Variants in HMCN1 observed in about 807,000 individuals in gnomAD.
HMCN1 encodes hemicentin-1.
Under a neutral mutation model 625.9 loss-of-function variants are expected in HMCN1, and 321 were observed. The ratio of observed to expected loss-of-function variants is 0.51; its 90% CI spans 0.47 to 0.56. The LOEUF (loss-of-function observed/expected upper bound fraction) is 0.56, where lower values mean the gene tolerates loss of function less well. HMCN1 is among the 20% of genes least tolerant of loss of function. The pLI, the probability that HMCN1 is intolerant of heterozygous loss-of-function variation, is 0.00. For synonymous variants in HMCN1, 2,425 were observed against 2,417.6 expected, an observed-to-expected ratio of 1.00 and a Z score of -0.09; for missense variants, 6,588 against 6,887.3, an observed-to-expected ratio of 0.96 and a Z score of 1.54.
intron 36 of HMCN1, among the ~76,000 whole-genome samples, chr1:186,028,011 A>G (rs1247727764): frequency 6.6e-6 from 1 of 152,118 alleles, no homozygotes; most frequent in Non-Finnish European, 1.5e-5. Context: ...TCAAGACTCT[A>G]AGATTTTCTT....
chr1:186,015,386 G>T lies in HMCN1; in HGVS notation c.4858G>T (p.Val1620Leu). The change falls in exon 31 of 107, where the codon GTA becomes TTA. Residue 1620 changes from valine (V) to leucine (L), a missense_variant. Val to Leu is a conservative substitution (Grantham distance 32). Coordinates refer to ENST00000271588, the MANE Select transcript of HMCN1 (RefSeq NM_031935.3). ...TGATTCAGCAACATATACGTGTCAT[G>T]TAGCCAATGTTGCTGGAACTGCTGA... ...VSDSATYTCH[V>L]ANVAGTAEKS... The T allele has an allele frequency of 6.2e-7, 1 of 1,613,550 alleles. No homozygotes were observed. The highest frequency in any genetic ancestry group is 8.5e-7 in the Non-Finnish European group (1 of 1,179,626).
At chr1:186,094,602 A>T (rs538937999) in intron 67 of HMCN1, among the ~76,000 whole-genome samples, 6 of 152,296 alleles carry the variant, frequency 3.9e-5, no homozygotes, top group African/African-American at 1.4e-4. Flanking sequence ...CACTAAATCA[A>T]ATCTAATTTT....
intron 64 of HMCN1, among the ~76,000 whole-genome samples, chr1:186,091,525 C>T (rs1165721152): frequency 2.0e-5 from 3 of 151,996 alleles, no homozygotes; most frequent in Non-Finnish European, 2.9e-5. Flanking sequence ...GCAATAATGT[C>T]ATAACTCTCA....
Position 186,091,420 on chromosome 1 carries a change from G to A in HMCN1, c.9887+503G>A, listed in dbSNP as rs559699333. Among the ~76,000 whole-genome samples the A allele has an allele frequency of 9.3e-4, 142 of 152,106 alleles. 1 individual carries two copies. Among genetic ancestry groups the A allele is most frequent in the African/African-American group, 3.3e-3 (139 of 41,536 alleles). ...AATGTCATAACTGTTATAGTGGTTTGTTCAGATGCCATTTTCAGCTGACAC... is the reference window on the plus strand; with the variant it reads ...AATGTCATAACTGTTATAGTGGTTTATTCAGATGCCATTTTCAGCTGACAC... On this transcript the variant is annotated intron_variant, in intron 64 of 106. Transcript: ENST00000271588.
At chr1:185,781,784 G>C (rs572519313) in intron 1 of HMCN1, among the ~76,000 whole-genome samples, 2 of 152,266 alleles carry the variant, frequency 1.3e-5, no homozygotes, top group South Asian at 4.1e-4. Flanking sequence ...GGTCAATTTT[G>C]GAATAAGTGC....
At chr1:186,189,064 C>A (rs567796186) in intron 106 of HMCN1, among the ~76,000 whole-genome samples, 1 of 152,210 alleles carries the variant, frequency 6.6e-6, no homozygotes, top group East Asian at 1.9e-4. Flanking sequence ...TCCTAATTGA[C>A]CTTTTATTAT....
chr1:185,941,301 C>T (rs1338151269), intron 11 of HMCN1, among the ~76,000 whole-genome samples: 1 of 152,150 alleles, frequency 6.6e-6, no homozygotes, highest in Non-Finnish European at 1.5e-5. Flanking sequence ...AAGTTTATCT[C>T]ATATCTATAA....
At chr1:185,922,079 T>C (rs1667031161) in intron 6 of HMCN1, among the ~76,000 whole-genome samples, 1 of 152,212 alleles carries the variant, frequency 6.6e-6, no homozygotes, top group Non-Finnish European at 1.5e-5. Context: ...CATACCCTCA[T>C]GGAGCTTTTA....
chr1:185,782,057 T>G (rs1657161353), intron 1 of HMCN1, among the ~76,000 whole-genome samples: 2 of 152,232 alleles, frequency 1.3e-5, no homozygotes, highest in African/African-American at 4.8e-5. Flanking sequence ...ATATTTAGGA[T>G]AGTTAGCTCT....
intron 1 of HMCN1, among the ~76,000 whole-genome samples, chr1:185,759,454 A>G (rs1211393622): frequency 6.6e-6 from 1 of 152,184 alleles, no homozygotes; most frequent in African/African-American, 2.4e-5. Flanking sequence ...ATTTAGGGAG[A>G]TTTAATAGAA....
intron 97 of HMCN1, among the ~76,000 whole-genome samples, chr1:186,157,848 C>T (rs1274794668): frequency 1.3e-5 from 2 of 152,070 alleles, no homozygotes; most frequent in African/African-American, 2.4e-5. Context: ...CATTGTTGGA[C>T]ATTTGGGTTG....
chr1:185,867,104 C>A (rs1173510692), intron 4 of HMCN1, among the ~76,000 whole-genome samples: 3 of 151,994 alleles, frequency 2.0e-5, no homozygotes, highest in Non-Finnish European at 4.4e-5. Flanking sequence ...ATTTCTAGAG[C>A]AAAGAATCTA....
chr1:185,804,931 T>A (rs1018259508), intron 1 of HMCN1, among the ~76,000 whole-genome samples: 4 of 152,116 alleles, frequency 2.6e-5, no homozygotes, highest in Non-Finnish European at 4.4e-5. Flanking sequence ...TGACCTAGTT[T>A]TAAAAAAAAC....
intron 15 of HMCN1, among the ~76,000 whole-genome samples, chr1:185,973,842 C>T (rs191017236): frequency 4.6e-5 from 7 of 152,188 alleles, no homozygotes; most frequent in African/African-American, 1.7e-4. Context: ...GCATTCCATA[C>T]CACACAGGGT....
chr1:185,982,984 A>C (rs551419933), intron 18 of HMCN1, among the ~76,000 whole-genome samples: 76 of 152,166 alleles, frequency 5.0e-4, no homozygotes, highest in African/African-American at 1.8e-3. Context: ...GAACTGAAGC[A>C]AATATTGTTA....
At chr1:185,797,829 A>G (rs1024427854) in intron 1 of HMCN1, among the ~76,000 whole-genome samples, 4 of 140,122 alleles carry the variant, frequency 2.9e-5, no homozygotes, top group Non-Finnish European at 4.5e-5. Context: ...AGCCGGGCGT[A>G]GTGGCGGGCG....
intron 1 of HMCN1, among the ~76,000 whole-genome samples, chr1:185,769,509 A>G (rs1656088163): frequency 6.6e-6 from 1 of 152,148 alleles, no homozygotes; most frequent in Non-Finnish European, 1.5e-5. Context: ...AATTGATGAG[A>G]AATATTTTGC....
chr1:185,938,935 A>G (rs1667950766), intron 11 of HMCN1, among the ~76,000 whole-genome samples: 2 of 152,236 alleles, frequency 1.3e-5, no homozygotes, highest in Non-Finnish European at 2.9e-5. Context: ...AAGGAATCCA[A>G]GAATTTAATC....
At chr1:186,171,243 C>T in intron 100 of HMCN1, 94 bp from the exon 101 acceptor site, 2 of 899,258 alleles carry the variant, frequency 2.2e-6, no homozygotes, top group Non-Finnish European at 3.7e-6. Context: ...AGATCTTAAA[C>T]ATGGTAATGA....
Sources: allele counts gnomAD v4.1 joint callset (sites outside exome capture counted in the v4.1 genomes callset), GRCh38; gene constraint gnomAD v4.1.1; transcripts MANE v1.5; gene names NCBI Gene and HGNC (gene_info 2026-07-23, HGNC 2026-07-21).